The following CSRNP3 variants were observed in gnomAD, a reference collection of about 807,000 sequenced individuals.
CSRNP3 encodes cysteine and serine rich nuclear protein 3, also known as cysteine/serine-rich nuclear protein 3.
Under a neutral mutation model 48.0 loss-of-function variants are expected in CSRNP3, and 12 were observed. The ratio of observed to expected loss-of-function variants is 0.25; its 90% CI spans 0.16 to 0.41. The LOEUF (loss-of-function observed/expected upper bound fraction) is 0.41, where lower values mean the gene tolerates loss of function less well. CSRNP3 is among the 10% of genes least tolerant of loss of function. CSRNP3 has a pLI of 1.00. For missense variants in CSRNP3, 580 were observed against 724.4 expected (o/e 0.80, Z 2.29); for synonymous variants, 263 against 269.7 (o/e 0.98, Z 0.24).
chr2:165,536,822 G>T (rs1413924767), intron 3 of CSRNP3, among the ~76,000 whole-genome samples: 1 of 151,702 alleles, frequency 6.6e-6, no homozygotes, highest in Non-Finnish European at 1.5e-5. Context: ...ATGTTATATT[G>T]CAGGATAACA....
intron 4 of CSRNP3, among the ~76,000 whole-genome samples, chr2:165,636,188 G>A (rs373092504): frequency 6.6e-6 from 1 of 152,108 alleles, no homozygotes; most frequent in African/African-American, 2.4e-5. Flanking sequence ...TATTAGCTAT[G>A]GCAAGTGACA....
intron 3 of CSRNP3, among the ~76,000 whole-genome samples, chr2:165,550,824 G>A (rs560534247): frequency 6.6e-6 from 1 of 152,204 alleles, no homozygotes; most frequent in East Asian, 1.9e-4. Context: ...CCCTCCTTGG[G>A]CAAGGAATGC....
intron 4 of CSRNP3, among the ~76,000 whole-genome samples, chr2:165,609,029 C>CT (rs1686082948): frequency 6.7e-6 from 1 of 149,328 alleles, no homozygotes. Context: ...ATGGCGTGAA[C>CT]CTGGAAGGCA....
intron 4 of CSRNP3, among the ~76,000 whole-genome samples, chr2:165,634,523 C>T (rs1340741539): frequency 6.6e-6 from 1 of 152,026 alleles, no homozygotes; most frequent in Non-Finnish European, 1.5e-5. Flanking sequence ...GGATAAGAAA[C>T]AGACATATGC....
chr2:165,535,862 T>A (rs1024288297), intron 3 of CSRNP3, among the ~76,000 whole-genome samples: 1 of 151,820 alleles, frequency 6.6e-6, no homozygotes, highest in East Asian at 1.9e-4. Flanking sequence ...CAGTATGATA[T>A]ATAGTTACAC....
chr2:165,586,645 T>G (rs113443125), intron 3 of CSRNP3, among the ~76,000 whole-genome samples: 1,841 of 152,252 alleles, frequency 0.012, 41 homozygotes, highest in African/African-American at 0.042. Flanking sequence ...ATATTTTCTG[T>G]GGTCATTTCC....
chr2:165,618,255 G>A (rs1425760685), intron 4 of CSRNP3, among the ~76,000 whole-genome samples: 1 of 152,160 alleles, frequency 6.6e-6, no homozygotes, highest in Non-Finnish European at 1.5e-5. Context: ...TCCTGGCTTT[G>A]AGCCAGTCCT....
intron 3 of CSRNP3, among the ~76,000 whole-genome samples, chr2:165,579,921 CTTTTTTTTTTTT>C (rs147087270): frequency 1.4e-5 from 1 of 70,588 alleles, no homozygotes; most frequent in Non-Finnish European, 2.6e-5. Context: ...CATGACTCTA[CTTTTTTTTTTTT>C]TTTTTTTTTT....
At position 165,678,883 on chromosome 2, in the gene CSRNP3, T is replaced by C; in HGVS notation, c.888T>C (p.Ser296=). The C allele has an allele frequency of 6.2e-7, 1 of 1,613,964 alleles. No individual in the cohort carries two copies. The highest frequency in any genetic ancestry group is 1.7e-5 in the Admixed American group (1 of 59,998). The change falls in exon 7 of 7, where the codon AGT becomes AGC. Residue 296 remains serine, a synonymous_variant. Coordinates refer to ENST00000651982, the MANE Select transcript of CSRNP3 (RefSeq NM_001172173.2). The stretch of plus-strand genomic sequence containing the variant: ...TGAATGGCTGCCACAGTGAGATAAG[T>C]GCTCACAGTAGTTCTATGGGCCCTG... ...PTLNGCHSEI[S]AHSSSMGPVA...
At chr2:165,560,238 T>C (rs577427582) in intron 3 of CSRNP3, among the ~76,000 whole-genome samples, 1 of 152,314 alleles carries the variant, frequency 6.6e-6, no homozygotes, top group Admixed American at 6.5e-5. Context: ...GATGGACTTC[T>C]TTCCTAAAAA....
At chr2:165,602,631 T>C (rs1685934107) in intron 4 of CSRNP3, among the ~76,000 whole-genome samples, 1 of 152,212 alleles carries the variant, frequency 6.6e-6, no homozygotes, top group African/African-American at 2.4e-5. Context: ...ATAGAATTGT[T>C]ATCAGATCAT....
intron 4 of CSRNP3, among the ~76,000 whole-genome samples, chr2:165,615,568 A>G (rs1428522515): frequency 1.3e-5 from 2 of 151,794 alleles, no homozygotes; most frequent in East Asian, 1.9e-4. Context: ...TTATAAAAGA[A>G]TTGTTATATC....
In CSRNP3 at chr2:165,682,994, A is replaced by G. The variant is rs1168117980; in HGVS notation, c.*3241A>G. The G allele has an allele frequency of 6.6e-6, 1 of 152,092 alleles. No homozygotes were observed. Among genetic ancestry groups the G allele is most frequent in the Non-Finnish European group, 1.5e-5 (1 of 67,998 alleles). The allele number at this position is 152,092 out of a possible 1,614,324, so 9.4% of individuals were successfully genotyped here. A position where few individuals can be genotyped will look rare whatever the true frequency, so the allele number is the denominator to read the frequency against. On this transcript the variant is annotated 3_prime_UTR_variant, in exon 7 of 7. Transcript: ENST00000651982. Reference sequence around the variant, plus strand: ...CTGGCTATTCTAGTACCAGTCCTATACCTTTAAATGGGACTTAATTCCCAG... The same window carrying G: ...CTGGCTATTCTAGTACCAGTCCTATGCCTTTAAATGGGACTTAATTCCCAG...
chr2:165,615,988 T>G (rs1049436712), intron 4 of CSRNP3, among the ~76,000 whole-genome samples: 14 of 149,644 alleles, frequency 9.4e-5, no homozygotes, highest in African/African-American at 3.4e-4. Flanking sequence ...GCCTCAGCCT[T>G]CTGAGTCACT....
At chr2:165,574,363 A>G in intron 3 of CSRNP3, 1 of 1,550,084 alleles carries the variant, frequency 6.5e-7, no homozygotes, top group East Asian at 2.4e-5. Flanking sequence ...AGTTAAATGA[A>G]GTGTGCTTTA....
chr2:165,577,713 A>G (rs139923345), intron 3 of CSRNP3, among the ~76,000 whole-genome samples: 139 of 151,718 alleles, frequency 9.2e-4, no homozygotes, highest in African/African-American at 3.2e-3. Flanking sequence ...TTATAATTTT[A>G]TTGTCTTTTT....
chr2:165,614,550 G>A (rs1686198590), intron 4 of CSRNP3, among the ~76,000 whole-genome samples: 1 of 152,144 alleles, frequency 6.6e-6, no homozygotes, highest in Admixed American at 6.5e-5. Context: ...TCAGTATGAT[G>A]TTAGCTGTGT....
At chr2:165,623,095 A>T (rs972329369) in intron 4 of CSRNP3, among the ~76,000 whole-genome samples, 2 of 152,326 alleles carry the variant, frequency 1.3e-5, no homozygotes, top group Admixed American at 6.5e-5. Context: ...TAAAATAAAA[A>T]AATGACAATT....
chr2:165,535,739 G>A (rs1684872849), intron 3 of CSRNP3, among the ~76,000 whole-genome samples: 1 of 151,716 alleles, frequency 6.6e-6, no homozygotes, highest in Admixed American at 6.6e-5. Flanking sequence ...TGAGATCATG[G>A]CTTGGACTAC....
Sources: gnomAD v4.1 joint callset for allele counts (sites outside exome capture counted in the v4.1 genomes callset) on GRCh38, gnomAD v4.1.1 for gene constraint, MANE v1.5 for transcripts, NCBI Gene and HGNC (gene_info 2026-07-23, HGNC 2026-07-21) for gene names.